FMN1: variants seen among roughly 807,000 people sequenced by gnomAD.
The protein encoded by FMN1 is formin-1.
A neutral mutation model predicts 132.4 loss-of-function variants in FMN1; 110 were observed. That is an observed-to-expected ratio of 0.83 (90% CI 0.71 to 0.97). FMN1 has a LOEUF of 0.97. FMN1 is among the 50% of genes least tolerant of loss of function. The pLI, the probability that FMN1 is intolerant of heterozygous loss-of-function variation, is 0.00. For synonymous variants in FMN1, 722 were observed against 651.7 expected (o/e 1.11, Z -1.64); for missense variants, 1,792 against 1,705.3 (o/e 1.05, Z -0.90).
intron 7 of FMN1, among the ~76,000 whole-genome samples, chr15:32,974,251 G>C (rs1221755681): frequency 1.3e-5 from 2 of 152,160 alleles, no homozygotes; most frequent in Non-Finnish European, 2.9e-5. Context: ...AAAATCTGCT[G>C]ATTTGACCCC....
intron 10 of FMN1, among the ~76,000 whole-genome samples, chr15:32,919,427 A>G (rs2060766807): frequency 1.3e-5 from 2 of 152,236 alleles, no homozygotes; most frequent in African/African-American, 4.8e-5. Flanking sequence ...GCTACTTAAA[A>G]TGTGGGTTTA....
At chr15:32,939,488 C>T (rs899014175) in intron 9 of FMN1, among the ~76,000 whole-genome samples, 5 of 152,042 alleles carry the variant, frequency 3.3e-5, no homozygotes, top group African/African-American at 9.7e-5. Context: ...ATTACTACTT[C>T]GCTTTCTGAA....
At position 32,765,800 on chromosome 15, in the gene FMN1, T is replaced by C. The variant is rs28585618; in HGVS notation, c.*8510A>G. On this transcript the variant is annotated 3_prime_UTR_variant, in exon 21 of 21. Coordinates refer to ENST00000616417, the MANE Select transcript of FMN1 (RefSeq NM_001277313.2). Reference sequence around the variant, plus strand: ...CCAAGTACTGTCAAGGAGGAAAAAATATATATATATAATACACACATTTTT... The same window carrying C: ...CCAAGTACTGTCAAGGAGGAAAAAACATATATATATAATACACACATTTTT... 6.6e-6 allele frequency: 1 copy of C among 151,628 alleles called. No homozygotes were observed. Among genetic ancestry groups the C allele is most frequent in the African/African-American group, 2.4e-5 (1 of 41,256 alleles). The allele number at this position is 151,628 out of a possible 1,614,324, so 9.4% of individuals were successfully genotyped here. A position where few individuals can be genotyped will look rare whatever the true frequency, so the allele number is the denominator to read the frequency against.
At chr15:33,184,819 T>A (rs1965825137) in intron 2 of FMN1, among the ~76,000 whole-genome samples, 1 of 152,214 alleles carries the variant, frequency 6.6e-6, no homozygotes, top group African/African-American at 2.4e-5. Flanking sequence ...TTAGACCTTT[T>A]TTTACTTATG....
chr15:33,157,220 G>A (rs553722863), intron 3 of FMN1, among the ~76,000 whole-genome samples: 7 of 148,650 alleles, frequency 4.7e-5, no homozygotes, highest in Admixed American at 6.7e-5. Context: ...AGCTGACATC[G>A]CGCCACTGCA....
intron 15 of FMN1, among the ~76,000 whole-genome samples, chr15:32,895,874 GT>G (rs1327768869): frequency 1.3e-5 from 2 of 152,032 alleles, no homozygotes; most frequent in African/African-American, 4.8e-5. Flanking sequence ...AGGAATTGAA[GT>G]TTTTTAGTTT....
intron 2 of FMN1, among the ~76,000 whole-genome samples, chr15:33,184,432 T>A (rs931284946): frequency 3.3e-5 from 5 of 152,158 alleles, no homozygotes; most frequent in Non-Finnish European, 4.4e-5. Context: ...AAAATGATTT[T>A]AAAAAATTTA....
intron 16 of FMN1, among the ~76,000 whole-genome samples, chr15:32,882,185 G>T (rs1035397559): frequency 1.3e-5 from 2 of 152,160 alleles, no homozygotes; most frequent in African/African-American, 2.4e-5. Context: ...GAACGAAGTG[G>T]GGCTTATTCT....
intron 6 of FMN1, chr15:33,012,202 A>G (rs2034768202): frequency 8.1e-6 from 5 of 620,686 alleles, no homozygotes; most frequent in Non-Finnish European, 1.5e-5. Flanking sequence ...AACCACCGAT[A>G]AGTGCCTGAG....
chr15:33,015,530 G>A (rs541090567), intron 6 of FMN1, among the ~76,000 whole-genome samples: 1 of 152,064 alleles, frequency 6.6e-6, no homozygotes, highest in Non-Finnish European at 1.5e-5. Flanking sequence ...ACACGCACAT[G>A]ACATGGGCAA....
rs372075124 is a variant in FMN1 at position 32,801,929 on chromosome 15, C to G, written c.3980+2352G>C. The stretch of plus-strand genomic sequence containing the variant: ...GGCCTAGACTGTTGTCTTTCCTAGA[C>G]AAAACTCCATTTTAAATTCAGTTTT... On this transcript the variant is annotated intron_variant, in intron 18 of 20. Transcript: ENST00000616417. Among the ~76,000 whole-genome samples the G allele has an allele frequency of 3.0e-4, 45 of 152,356 alleles. No individual in the cohort carries two copies. In the South Asian group the frequency reaches 3.1e-3, roughly 11 times the overall value.
chr15:32,835,637 G>T lies in FMN1; in HGVS notation c.3928+21378C>A, dbSNP rs929373701. Among the ~76,000 whole-genome samples the T allele has an allele frequency of 7.9e-5, 12 of 152,262 alleles. No individual in the cohort carries two copies. The East Asian group carries it at 1.2e-3, about 15-fold the overall frequency. ...TAGATGTTATGGGGTGATTCCAAGG[G>T]AATTCTATTTCAATCCTCCTGAGTT... On this transcript the variant is annotated intron_variant, in intron 17 of 20. Coordinates refer to ENST00000616417, the MANE Select transcript of FMN1 (RefSeq NM_001277313.2).
chr15:33,009,950 G>C (rs894261931), intron 6 of FMN1, among the ~76,000 whole-genome samples: 2 of 152,016 alleles, frequency 1.3e-5, no homozygotes, highest in Non-Finnish European at 2.9e-5. Context: ...GCAATGGCAC[G>C]ATCTTGGCTC....
rs112974531 is a variant in FMN1, at chr15:33,180,268, T to TA, written c.-196-7dup. The TA allele has an allele frequency of 0.19, 26,367 of 136,140 alleles. 4,545 individuals are homozygous for TA. The highest frequency in any genetic ancestry group is 0.48 in the African/African-American group (18,038 of 37,862). The allele number at this position is 136,140 out of a possible 1,614,324, so 8.4% of individuals were successfully genotyped here. A position where few individuals can be genotyped will look rare whatever the true frequency, so the allele number is the denominator to read the frequency against. On this transcript the variant is annotated splice_polypyrimidine_tract_variant and splice_region_variant and intron_variant, in intron 2 of 20. Transcript: ENST00000616417. ...AAAACGTGATGCCACCAGGCCTGTG[T>TA]AAAAAAAAAAAAAAAAATCAAGGCT... is the stretch of plus-strand genomic sequence containing the variant.
chr15:32,888,181 G>T lies in FMN1; in HGVS notation c.3826C>A (p.Gln1276Lys), dbSNP rs1460570758. The T allele has an allele frequency of 7.5e-6, 12 of 1,606,602 alleles. No individual in the cohort carries two copies. The highest frequency in any genetic ancestry group is 9.3e-6 in the Non-Finnish European group (11 of 1,177,396). ...GAACAGTTCCTATTACCTTCTAGTT[G>T]CCTCTTCAGTTTTCTCAAATCTTTT... ...LIKDLRKLKR[Q>K]LEASEKQMVV... The change falls in exon 16 of 21, where the codon CAA becomes AAA. Residue 1276 changes from glutamine (Q) to lysine (K), a missense_variant. By Grantham distance (53) the Gln-to-Lys change is moderately conservative. Around this residue, in one of 3 missense-constraint regions of FMN1, gnomAD observed 1,150 missense variants for 1,043.1 expected, o/e 1.10. Transcript: ENST00000616417.
At chr15:32,783,047 G>C (rs1400330635) in intron 19 of FMN1, among the ~76,000 whole-genome samples, 1 of 151,946 alleles carries the variant, frequency 6.6e-6, no homozygotes, top group Non-Finnish European at 1.5e-5. Flanking sequence ...TGGGTACAAG[G>C]TTCACTCTTC....
At chr15:32,809,765 C>T (rs948085468) in intron 17 of FMN1, among the ~76,000 whole-genome samples, 4 of 152,136 alleles carry the variant, frequency 2.6e-5, no homozygotes, top group Non-Finnish European at 5.9e-5. Context: ...ACTATCTCCC[C>T]ACAATTCCTT....
In FMN1 at chr15:32,896,331, A is replaced by G. The variant is rs1018551312; in HGVS notation, c.3714+2503T>C. On this transcript the variant is annotated intron_variant, in intron 15 of 20. Coordinates refer to ENST00000616417, the MANE Select transcript of FMN1 (RefSeq NM_001277313.2). ...TTTTGTCTAATTATTTTTATACATA[A>G]TATTTAAAATTATTTTGTAAACTTC... Among the ~76,000 whole-genome samples, 3 of 151,948 alleles carry G rather than the reference A, an allele frequency of 2.0e-5. No individual in the cohort carries two copies. In the South Asian group the frequency reaches 6.2e-4, roughly 31 times the overall value.
intron 7 of FMN1, among the ~76,000 whole-genome samples, chr15:32,995,982 C>A (rs1049724707): frequency 1.3e-5 from 2 of 152,162 alleles, no homozygotes; most frequent in Non-Finnish European, 2.9e-5. Context: ...GTTTCTTTTA[C>A]CTCGGCACAT....
Sources: gnomAD v4.1 joint callset for allele counts (sites outside exome capture counted in the v4.1 genomes callset) on GRCh38, gnomAD v4.1.1 for gene constraint, gnomAD v4.1.1 regional missense constraint, MANE v1.5 for transcripts, NCBI Gene and HGNC (gene_info 2026-07-23, HGNC 2026-07-21) for gene names.